CSF2RB: variants seen among roughly 807,000 people sequenced by gnomAD.
CSF2RB encodes the protein colony stimulating factor 2 receptor subunit beta, also known as cytokine receptor common subunit beta.
CSF2RB carries 22 observed loss-of-function variants against 67.2 expected under a neutral mutation model. The ratio of observed to expected loss-of-function variants is 0.33; its 90% CI spans 0.23 to 0.47. The LOEUF is 0.47. CSF2RB is among the 20% of genes least tolerant of loss of function. The pLI, the probability that CSF2RB is intolerant of heterozygous loss-of-function variation, is 1.00. For missense variants in CSF2RB, 1,113 were observed against 1,174.5 expected (o/e 0.95, Z 0.76); for synonymous variants, 507 against 482.9 (o/e 1.05, Z -0.65).
rs143612349 is a variant in CSF2RB, at chr22:36,938,005, T to C, written c.2197T>C (p.Ser733Pro). ...GGCCTCGTCTGTCTCCCTAGTTCCC[T>C]CTCTGGGCCTCCCCTCAGACCAGAC... ...SGASSVSLVP[S>P]LGLPSDQTPS... is the part of the protein sequence containing the mutation. The change falls in exon 14 of 14, where the codon TCT becomes CCT. Residue 733 changes from serine to proline, a missense_variant. By Grantham distance (74) the Ser-to-Pro change is moderately conservative. Coordinates refer to ENST00000403662, the MANE Select transcript of CSF2RB (RefSeq NM_000395.3). 2 of 1,613,930 alleles carry C rather than the reference T, an allele frequency of 1.2e-6. No individual in the cohort carries two copies. The highest frequency in any genetic ancestry group is 2.7e-5 in the African/African-American group (2 of 74,888).
At position 36,935,254 on chromosome 22, in the gene CSF2RB, G is replaced by A. The variant is rs535082240; in HGVS notation, c.1316-97G>A. The A allele has an allele frequency of 4.5e-4, 488 of 1,090,126 alleles. 1 individual carries two copies. Among genetic ancestry groups the A allele is most frequent in the African/African-American group, 4.4e-4 (28 of 64,316 alleles). The allele number at this position is 1,090,126 out of a possible 1,614,324, so 67.5% of individuals were successfully genotyped here. A position where few individuals can be genotyped will look rare whatever the true frequency, so the allele number is the denominator to read the frequency against. On this transcript the variant is annotated intron_variant, in intron 10 of 13. Transcript: ENST00000403662. ...CCAGAGCCCTGGGCCTGCACAGAGC[G>A]GGGTCTTAAGGAATACTGCACCAAC...
Position 36,926,200 on chromosome 22 carries a change from C to T in CSF2RB, c.391+23C>T, listed in dbSNP as rs781569278. Reference sequence around the variant, plus strand: ...ATGGTGAGGGGCTGGGGGCCCTGCCCGGGGCTTGGTTTCCTGTGTGGACAG... The same window carrying T: ...ATGGTGAGGGGCTGGGGGCCCTGCCTGGGGCTTGGTTTCCTGTGTGGACAG... On this transcript the variant is annotated intron_variant, in intron 4 of 13. Transcript: ENST00000403662. 20 of 1,612,230 alleles carry T rather than the reference C, an allele frequency of 1.2e-5. No individual in the cohort carries two copies. In the East Asian group the frequency reaches 1.6e-4, roughly 13 times the overall value.
Position 36,926,165 on chromosome 22 carries a change from C to G in CSF2RB, c.379C>G (p.Leu127Val). 6.2e-7 allele frequency: 1 copy of G among 1,614,148 alleles called. No individual in the cohort carries two copies. The highest frequency in any genetic ancestry group is 1.1e-5 in the South Asian group (1 of 91,080). ...RPLGTRLTVT[L>V]TQHVQPPEPR... ...TCTGGGCACCCGGCTCACCGTCACT[C>G]TGACCCAGCATGGTGAGGGGCTGGG... The change falls in exon 4 of 14, where the codon CTG becomes GTG. Residue 127 changes from leucine (L) to valine (V), a missense_variant. Physicochemically the swap from Leu to Val is conservative, Grantham distance 32. This residue lies in a region of CSF2RB where 559 missense variants were observed against 656.5 expected (regional missense o/e 0.85). Coordinates refer to ENST00000403662, the MANE Select transcript of CSF2RB (RefSeq NM_000395.3).
chr22:36,938,218 T>C lies in CSF2RB; in HGVS notation c.2410T>C (p.Ser804Pro), dbSNP rs529562081. The change falls in exon 14 of 14, where the codon TCC (serine) becomes CCC (proline). Residue 804 changes from serine (S) to proline (P), a missense_variant. Transcript: ENST00000403662. ...LNPGERPADV[S>P]PTSPQPEGLL... is the part of the protein sequence containing the mutation. ...CCCAGGGGAACGCCCGGCAGATGTG[T>C]CCCCAACATCCCCACAGCCCGAGGG... The C allele has an allele frequency of 6.2e-7, 1 of 1,614,038 alleles. No homozygotes were observed. Among genetic ancestry groups the C allele is most frequent in the African/African-American group, 1.3e-5 (1 of 75,018 alleles).
At chr22:36,935,285 T>A (rs1028325857) in intron 10 of CSF2RB, 66 bp from the exon 11 acceptor site, 4 of 1,486,780 alleles carry the variant, frequency 2.7e-6, no homozygotes, top group Non-Finnish European at 3.7e-6. Flanking sequence ...CCAACCCCAC[T>A]CCCTGCCCTG....
In CSF2RB at chr22:36,938,580, C is replaced by G; in HGVS notation, c.*78C>G. ...GCCTGACCTTCCTCAGTCATTTCTG[C>G]AAAGCCAAGGGGCAGCCTCCTGTCA... is the stretch of plus-strand genomic sequence containing the variant. On this transcript the variant is annotated 3_prime_UTR_variant, in exon 14 of 14. Transcript: ENST00000403662. The G allele has an allele frequency of 6.8e-7, 1 of 1,473,880 alleles. No homozygotes were observed. The highest frequency in any genetic ancestry group is 9.1e-7 in the Non-Finnish European group (1 of 1,096,518). 91.3% of individuals were successfully genotyped at this position (1,473,880 alleles called of 1,614,324 possible).
At chr22:36,930,935 G>A in intron 8 of CSF2RB, 105 bp downstream of exon 8, 2 of 1,403,670 alleles carry the variant, frequency 1.4e-6, no homozygotes, top group Non-Finnish European at 2.0e-6. Flanking sequence ...CTTCATGTTT[G>A]TCACTTTCAA....
rs1360479210 is a variant in CSF2RB, at chr22:36,937,768, G to A, written c.1960G>A (p.Val654Met). The change falls in exon 14 of 14, where the codon GTG (valine) becomes ATG (methionine). Residue 654 changes from valine to methionine, a missense_variant. This residue lies in a region of CSF2RB where 554 missense variants were observed against 517.9 expected (regional missense o/e 1.07). Coordinates refer to ENST00000403662, the MANE Select transcript of CSF2RB (RefSeq NM_000395.3). The surrounding 1 kb of genome is among the most constrained non-coding windows in gnomAD (Gnocchi z 4.6). Reference protein sequence around the residue: ...QAMGPGQAVEVERRPSQGAAG... With the variant: ...QAMGPGQAVEMERRPSQGAAG... ...GATGGGACCAGGACAGGCCGTGGAA[G>A]TGGAGAGAAGGCCGAGCCAGGGGGC... is the stretch of plus-strand genomic sequence containing the variant. 14 of 1,577,482 alleles carry A rather than the reference G, an allele frequency of 8.9e-6. No individual in the cohort carries two copies. The highest frequency in any genetic ancestry group is 1.2e-5 in the Non-Finnish European group (14 of 1,161,468).
chr22:36,925,471 A>C (rs1335684987), intron 3 of CSF2RB, among the ~76,000 whole-genome samples: 1 of 152,184 alleles, frequency 6.6e-6, no homozygotes, highest in Non-Finnish European at 1.5e-5. Context: ...ACTCGCAGTG[A>C]GATCCAATCC....
intron 1 of CSF2RB, among the ~76,000 whole-genome samples, chr22:36,917,451 T>C (rs139360287): frequency 3.9e-5 from 6 of 152,314 alleles, no homozygotes; most frequent in African/African-American, 1.4e-4. Context: ...AGCTTGGGAA[T>C]GTAATATGTG....
Position 36,939,319 on chromosome 22 carries a change from C to T in CSF2RB, c.*817C>T, listed in dbSNP as rs1941340914. The T allele has an allele frequency of 2.9e-6, 2 of 699,012 alleles. No individual in the cohort carries two copies. Among genetic ancestry groups the T allele is most frequent in the Non-Finnish European group, 5.2e-6 (2 of 383,166 alleles). 43.3% of individuals were successfully genotyped at this position (699,012 alleles called of 1,614,324 possible). A position where few individuals can be genotyped will look rare whatever the true frequency, so the allele number is the denominator to read the frequency against. On this transcript the variant is annotated 3_prime_UTR_variant, in exon 14 of 14. Coordinates refer to ENST00000403662, the MANE Select transcript of CSF2RB (RefSeq NM_000395.3). The stretch of plus-strand genomic sequence containing the variant: ...GGAACATCAGGAGAGGAGTCCAGAG[C>T]CCACGTCTACTGCGGAAAAGTCAGG...
At chr22:36,924,547 C>T (rs1196825180) in intron 3 of CSF2RB, among the ~76,000 whole-genome samples, 6 of 152,190 alleles carry the variant, frequency 3.9e-5, no homozygotes, top group South Asian at 4.1e-4. Context: ...CCTTTGACAG[C>T]AGCATTCCCT....
chr22:36,936,796 C>T, intron 13 of CSF2RB, 144 bp downstream of exon 13: 1 of 657,184 alleles, frequency 1.5e-6, no homozygotes, highest in East Asian at 2.8e-5. Context: ...AAGCAGGAGG[C>T]ACCTGGGGGG....
At chr22:36,921,723 G>A (rs550774501) in intron 1 of CSF2RB, among the ~76,000 whole-genome samples, 1 of 152,300 alleles carries the variant, frequency 6.6e-6, no homozygotes, top group Non-Finnish European at 1.5e-5. Context: ...ATGTGTTCAT[G>A]TCCAGGGGAT....
In CSF2RB at chr22:36,932,909, G is replaced by C; in HGVS notation, c.1152+5G>C. ...AAAGACACGGCCACGTGGAAGGTGA[G>C]GGCCTTTGCCCAGGGAGGGGAGAAA... On this transcript the variant is annotated splice_donor_5th_base_variant and intron_variant, in intron 9 of 13. Coordinates refer to ENST00000403662, the MANE Select transcript of CSF2RB (RefSeq NM_000395.3). 6.2e-7 allele frequency: 1 copy of C among 1,613,974 alleles called. No individual in the cohort carries two copies.
In CSF2RB at chr22:36,939,345, G is replaced by A; in HGVS notation, c.*843G>A. The A allele has an allele frequency of 4.3e-6, 3 of 691,876 alleles. No individual in the cohort carries two copies. Among genetic ancestry groups the A allele is most frequent in the South Asian group, 3.0e-5 (2 of 66,426 alleles). The allele number at this position is 691,876 out of a possible 1,614,324, so 42.9% of individuals were successfully genotyped here. A position where few individuals can be genotyped will look rare whatever the true frequency, so the allele number is the denominator to read the frequency against. ...CCACGTCTACTGCGGAAAAGTCAGG[G>A]GAAACTGCCAAACAAAGGAAAATGC... On this transcript the variant is annotated 3_prime_UTR_variant, in exon 14 of 14. Coordinates refer to ENST00000403662, the MANE Select transcript of CSF2RB (RefSeq NM_000395.3).
intron 2 of CSF2RB, chr22:36,922,638 T>G: frequency 4.7e-6 from 2 of 426,858 alleles, no homozygotes; most frequent in Non-Finnish European, 4.4e-6. Context: ...ACTTTGCTCC[T>G]GCAGGGCCTT....
At position 36,923,309 on chromosome 22, in the gene CSF2RB, G is replaced by A. The variant is rs753787293; in HGVS notation, c.142G>A (p.Ala48Thr). The change falls in exon 3 of 14, where the codon GCA becomes ACA. Residue 48 changes from alanine to threonine, a missense_variant. Physicochemically the swap from Ala to Thr is moderately conservative, Grantham distance 58. Coordinates refer to ENST00000403662, the MANE Select transcript of CSF2RB (RefSeq NM_000395.3). Reference protein sequence around the residue: ...DYTSHITCRWADTQDAQRLVN... With the variant: ...DYTSHITCRWTDTQDAQRLVN... ...CACCAGCCACATCACCTGCAGGTGG[G>A]CAGACACCCAGGATGCCCAGCGGCT... is the stretch of plus-strand genomic sequence containing the variant. The A allele has an allele frequency of 2.5e-6, 4 of 1,614,086 alleles. No homozygotes were observed. The highest frequency in any genetic ancestry group is 3.4e-6 in the Non-Finnish European group (4 of 1,180,044).
rs1333721943 is a variant in CSF2RB at position 36,929,715 on chromosome 22, T to C, written c.626T>C (p.Val209Ala). 7 of 1,614,078 alleles carry C rather than the reference T, an allele frequency of 4.3e-6. No individual in the cohort carries two copies. The highest frequency in any genetic ancestry group is 5.9e-6 in the Non-Finnish European group (7 of 1,180,036). Reference sequence around the variant, plus strand: ...CACCTCATGCCCAGCAGCACCTACGTGGCCCGAGTACGGACCCGCCTGGCC... The same window carrying C: ...CACCTCATGCCCAGCAGCACCTACGCGGCCCGAGTACGGACCCGCCTGGCC... ...PEHLMPSSTYVARVRTRLAPG... is the reference protein window; with the variant it reads ...PEHLMPSSTYAARVRTRLAPG... Residue 209 changes from valine to alanine, a missense_variant, in exon 6 of 14, where the codon GTG becomes GCG. Val to Ala is a moderately conservative substitution (Grantham distance 64, BLOSUM62 0). Transcript: ENST00000403662.
Sources: allele counts gnomAD v4.1 joint callset (sites outside exome capture counted in the v4.1 genomes callset), GRCh38; gene constraint gnomAD v4.1.1; regional missense constraint gnomAD v4.1.1; non-coding constraint Gnocchi (gnomAD v3.1); transcripts MANE v1.5; gene names NCBI Gene and HGNC (gene_info 2026-07-23, HGNC 2026-07-21).